The following RIMBP2 variants were observed in gnomAD, a reference collection of about 807,000 sequenced individuals.
RIMBP2 encodes RIMS-binding protein 2.
A neutral mutation model predicts 118.6 loss-of-function variants in RIMBP2; 48 were observed. The observed-to-expected ratio is 0.40, with a 90% CI of 0.32 to 0.51. RIMBP2 has a LOEUF of 0.51. Ranked by LOEUF, RIMBP2 falls within the 20% of genes least tolerant of loss-of-function variation. The probability of loss-of-function intolerance (pLI) is 0.41; values close to 1 mark genes in which losing one functional copy is unlikely to be tolerated. For synonymous variants in RIMBP2, 762 were observed against 742.9 expected (o/e 1.03, Z -0.42); for missense variants, 1,551 against 1,768.3 (o/e 0.88, Z 2.20).
At chr12:130,540,922 G>A (rs2054547681) in intron 2 of RIMBP2, among the ~76,000 whole-genome samples, 1 of 152,164 alleles carries the variant, frequency 6.6e-6, no homozygotes, top group Admixed American at 6.5e-5. Context: ...GTGAGAGCAA[G>A]GAAGGAGTTC....
chr12:130,702,879 C>T (rs2065927028), intron 1 of RIMBP2, among the ~76,000 whole-genome samples: 1 of 152,052 alleles, frequency 6.6e-6, no homozygotes, highest in Non-Finnish European at 1.5e-5. Context: ...TGGAATTAAT[C>T]ATAGGGCTGT....
intron 21 of RIMBP2, among the ~76,000 whole-genome samples, chr12:130,402,680 A>C (rs554756167): frequency 1.3e-5 from 2 of 152,212 alleles, no homozygotes; most frequent in African/African-American, 4.8e-5. Flanking sequence ...CTGGAGGCCT[A>C]ATGTCCAGAC....
intron 1 of RIMBP2, among the ~76,000 whole-genome samples, chr12:130,682,194 C>T (rs981987069): frequency 1.2e-4 from 18 of 152,158 alleles, no homozygotes; most frequent in African/African-American, 4.1e-4. Flanking sequence ...AGACAGACAG[C>T]CTCGTCCGCC....
intron 2 of RIMBP2, among the ~76,000 whole-genome samples, chr12:130,549,969 A>C (rs779234965): frequency 2.6e-5 from 4 of 152,130 alleles, no homozygotes; most frequent in Non-Finnish European, 4.4e-5. Context: ...CTACACTCCC[A>C]CTGAGAGTGT....
intron 3 of RIMBP2, among the ~76,000 whole-genome samples, chr12:130,513,537 T>C (rs1355407989): frequency 6.6e-6 from 1 of 152,088 alleles, no homozygotes; most frequent in Non-Finnish European, 1.5e-5. Context: ...AACAGGCACC[T>C]CCTAACCCAA....
intron 22 of RIMBP2, among the ~76,000 whole-genome samples, 187 bp downstream of exon 22, chr12:130,399,487 TTTGTA>T (rs1018114165): frequency 6.6e-6 from 1 of 152,182 alleles, no homozygotes; most frequent in African/African-American, 2.4e-5. Flanking sequence ...AGGGTCTTTT[TTTGTA>T]AAATGAGTAA....
rs374934711 is a variant in RIMBP2, at chr12:130,616,847, G to A, written c.-217+11475C>T. The stretch of plus-strand genomic sequence containing the variant: ...CAGGCCACAGGAAGGAGAAGTCAGA[G>A]GGTGACTTTGGTTTCCAGCACAGAG... On this transcript the variant is annotated intron_variant, in intron 2 of 22. Transcript: ENST00000690449. Among the ~76,000 whole-genome samples, 17 of 152,326 alleles carry A rather than the reference G, an allele frequency of 1.1e-4. No individual in the cohort carries two copies. The East Asian group carries it at 2.3e-3, about 21-fold the overall frequency.
At chr12:130,616,701 G>C (rs2060959672) in intron 2 of RIMBP2, among the ~76,000 whole-genome samples, 1 of 152,168 alleles carries the variant, frequency 6.6e-6, no homozygotes, top group South Asian at 2.1e-4. Context: ...GCCCAGGGCT[G>C]GCAGGAAGAC....
intron 13 of RIMBP2, among the ~76,000 whole-genome samples, chr12:130,435,662 C>T (rs2077460817): frequency 6.6e-6 from 1 of 152,236 alleles, no homozygotes; most frequent in African/African-American, 2.4e-5. Context: ...GGTGAATTCA[C>T]ATATTCTGAA....
intron 2 of RIMBP2, among the ~76,000 whole-genome samples, chr12:130,557,774 T>C (rs2056490158): frequency 6.6e-6 from 1 of 152,216 alleles, no homozygotes; most frequent in African/African-American, 2.4e-5. Flanking sequence ...AATCCTCTTT[T>C]TTCCTGTACT....
intron 1 of RIMBP2, among the ~76,000 whole-genome samples, chr12:130,702,543 A>G (rs138564299): frequency 9.0e-6 from 1 of 111,174 alleles, no homozygotes; most frequent in Admixed American, 1.0e-4. Flanking sequence ...ATAAAAAACA[A>G]GAAAGAAGGA....
chr12:130,412,499 G>A (rs2075795638), intron 19 of RIMBP2, 120 bp downstream of exon 19: 1 of 930,168 alleles, frequency 1.1e-6, no homozygotes, highest in African/African-American at 1.6e-5. Flanking sequence ...ACATTTACAT[G>A]ACTTTGGCAT....
At chr12:130,658,435 C>T (rs1199133873) in intron 1 of RIMBP2, 2 of 152,198 alleles carry the variant, frequency 1.3e-5, no homozygotes, top group Non-Finnish European at 2.9e-5. Flanking sequence ...CACTCACAGT[C>T]TCTATGCTGC....
At position 130,396,952 on chromosome 12, in the gene RIMBP2, CCAGAGTCAAAGT is replaced by C. The variant is rs1367970083; in HGVS notation, c.*397_*408del. On this transcript the variant is annotated 3_prime_UTR_variant, in exon 23 of 23. Coordinates refer to ENST00000690449, the MANE Select transcript of RIMBP2 (RefSeq NM_001393629.1). ...GCGAATTAAACTAGGAATTTCAAGA[CCAGAGTCAAAGT>C]GAAAGTTATGCATTATGAGGCAAGC... 1 of 153,666 alleles carries C rather than the reference CCAGAGTCAAAGT, an allele frequency of 6.5e-6. No individual in the cohort carries two copies. The highest frequency in any genetic ancestry group is 1.4e-5 in the Non-Finnish European group (1 of 69,048). The allele number at this position is 153,666 out of a possible 1,614,324, so 9.5% of individuals were successfully genotyped here. A position where few individuals can be genotyped will look rare whatever the true frequency, so the allele number is the denominator to read the frequency against.
chr12:130,608,757 T>C (rs11061030), intron 2 of RIMBP2, among the ~76,000 whole-genome samples: 12,591 of 152,288 alleles, frequency 0.083, 670 homozygotes, highest in Non-Finnish European at 0.12. Context: ...ATCTAGTTAA[T>C]TAGCAAGTAC....
rs188808814 is a variant in RIMBP2, at chr12:130,620,491, C to T, written c.-217+7831G>A. ...TTCCTCCAGCCGCCGTGACAAAGTA[C>T]GACAAGCCAGGAGGCTTGAAGAACA... On this transcript the variant is annotated intron_variant, in intron 2 of 22. Transcript: ENST00000690449. The surrounding 1 kb of genome is among the most constrained non-coding windows in gnomAD (Gnocchi z 5.3). Among the ~76,000 whole-genome samples, 869 of 152,316 alleles carry T rather than the reference C, an allele frequency of 5.7e-3. 3 individuals are homozygous for T. The highest frequency in any genetic ancestry group is 9.8e-3 in the Non-Finnish European group (668 of 68,014).
chr12:130,412,224 C>G (rs150893877), intron 19 of RIMBP2, among the ~76,000 whole-genome samples: 227 of 152,252 alleles, frequency 1.5e-3, no homozygotes, highest in African/African-American at 4.9e-3. Context: ...CAAAGGTCAC[C>G]TAAAGAATGA....
chr12:130,625,329 T>G (rs2061557086), intron 2 of RIMBP2, among the ~76,000 whole-genome samples: 1 of 152,124 alleles, frequency 6.6e-6, no homozygotes. Context: ...CCGAGACCTG[T>G]CTGGATGGAG....
chr12:130,564,477 C>A (rs2057069285), intron 2 of RIMBP2, among the ~76,000 whole-genome samples: 1 of 152,072 alleles, frequency 6.6e-6, no homozygotes, highest in Non-Finnish European at 1.5e-5. Flanking sequence ...TAACAAATGG[C>A]CAAAAAGCCC....
Sources: gnomAD v4.1 joint callset for allele counts (sites outside exome capture counted in the v4.1 genomes callset) on GRCh38, gnomAD v4.1.1 for gene constraint, Gnocchi (gnomAD v3.1) non-coding constraint, MANE v1.5 for transcripts, NCBI Gene and HGNC (gene_info 2026-07-23, HGNC 2026-07-21) for gene names.